Variants in ZFHX3 observed in about 807,000 individuals in gnomAD.
The protein encoded by ZFHX3 is zinc finger homeobox 3.
In ZFHX3, 42 loss-of-function variants were observed where a neutral mutation model predicts 279.1. That is an observed-to-expected ratio of 0.15 (90% CI 0.12 to 0.19). The LOEUF is 0.19. Ranked by LOEUF, ZFHX3 falls within the 10% of genes least tolerant of loss-of-function variation. The pLI, the probability that ZFHX3 is intolerant of heterozygous loss-of-function variation, is 1.00. For synonymous variants in ZFHX3, 2,293 were observed against 1,957.8 expected (o/e 1.17, Z -4.52); for missense variants, 4,981 against 4,754.0 (o/e 1.05, Z -1.40).
At chr16:73,746,911 T>A (rs1187545029) in intron 1 of ZFHX3, among the ~76,000 whole-genome samples, 1 of 152,236 alleles carries the variant, frequency 6.6e-6, no homozygotes, top group Non-Finnish European at 1.5e-5. Flanking sequence ...ATAAGGACTG[T>A]GTTTTAGATT....
At chr16:72,819,842 TCCA>T (rs1478362875) in intron 5 of ZFHX3, among the ~76,000 whole-genome samples, 11 of 152,214 alleles carry the variant, frequency 7.2e-5, no homozygotes, top group African/African-American at 1.7e-4. Context: ...AGGAATAAGC[TCCA>T]TGTGTTCTGT....
At chr16:73,028,307 C>G (rs1009530121) in intron 1 of ZFHX3, among the ~76,000 whole-genome samples, 1 of 152,156 alleles carries the variant, frequency 6.6e-6, no homozygotes, top group Non-Finnish European at 1.5e-5. Context: ...CTCAGTCCAC[C>G]GGGAGGTGGA....
intron 4 of ZFHX3, among the ~76,000 whole-genome samples, chr16:73,306,135 ACTGCGTACCTACTGTTCTC>A (rs2015175001): frequency 6.6e-6 from 1 of 152,176 alleles, no homozygotes; most frequent in South Asian, 2.1e-4. Flanking sequence ...CTACTGTTCT[ACTGCGTACCTACTGTTCTC>A]CTGCCCTAGA....
chr16:72,854,378 A>C (rs2143854621), intron 4 of ZFHX3, among the ~76,000 whole-genome samples: 1 of 152,290 alleles, frequency 6.6e-6, no homozygotes, highest in East Asian at 1.9e-4. Context: ...CCTGCCCTTG[A>C]TCAAGAGCAA....
intron 1 of ZFHX3, among the ~76,000 whole-genome samples, chr16:73,802,505 T>A (rs1369961623): frequency 2.0e-5 from 3 of 152,200 alleles, no homozygotes; most frequent in Non-Finnish European, 2.9e-5. Context: ...CAGACACTGA[T>A]GATAGGACAC....
At chr16:73,516,782 G>GAC (rs2019529438) in intron 2 of ZFHX3, among the ~76,000 whole-genome samples, 1 of 152,230 alleles carries the variant, frequency 6.6e-6, no homozygotes, top group Non-Finnish European at 1.5e-5. Flanking sequence ...AGCAGTGTCT[G>GAC]ACACACAGTA....
rs1438852081 is a variant in ZFHX3, at chr16:72,787,554, G to A, written c.10722C>T (p.His3574=). ...TGCTAGGATCGGGGAAGCAGGCAGA[G>A]TGAGGTAATAAACTAGGGTGCTCTT... ...NAKEHPSLLP[H]SACFPDPSTA... Residue 3574 remains histidine, a synonymous_variant, in exon 10 of 10, where the codon CAC becomes CAT. Coordinates refer to ENST00000268489, the MANE Select transcript of ZFHX3 (RefSeq NM_006885.4). The A allele has an allele frequency of 1.9e-6, 3 of 1,614,072 alleles. No homozygotes were observed. The highest frequency in any genetic ancestry group is 2.2e-5 in the South Asian group (2 of 91,076).
intron 1 of ZFHX3, among the ~76,000 whole-genome samples, chr16:73,741,247 A>G (rs2053655404): frequency 6.6e-6 from 1 of 152,118 alleles, no homozygotes; most frequent in South Asian, 2.1e-4. Context: ...TTATCTAGAA[A>G]GTGACTACAT....
intron 1 of ZFHX3, among the ~76,000 whole-genome samples, chr16:73,843,039 T>C (rs772465281): frequency 9.2e-5 from 14 of 152,270 alleles, no homozygotes; most frequent in Non-Finnish European, 1.5e-4. Flanking sequence ...CTGATTTCTT[T>C]TTTCCTCATT....
At chr16:73,575,456 ATTTTTCAAG>A in intron 2 of ZFHX3, among the ~76,000 whole-genome samples, 1 of 152,152 alleles carries the variant, frequency 6.6e-6, no homozygotes, top group Admixed American at 6.5e-5. Flanking sequence ...AGAACAGGTC[ATTTTTCAAG>A]TTAACAGGTG....
chr16:73,071,509 T>A (rs1466496181), intron 8 of ZFHX3, among the ~76,000 whole-genome samples: 1 of 152,058 alleles, frequency 6.6e-6, no homozygotes, highest in Non-Finnish European at 1.5e-5. Flanking sequence ...ATACTGCTGC[T>A]CATTCTATCA....
chr16:73,058,270 G>A (rs967416495), intron 1 of ZFHX3, among the ~76,000 whole-genome samples: 22 of 141,838 alleles, frequency 1.6e-4, no homozygotes, highest in Non-Finnish European at 1.6e-4. Flanking sequence ...GCGGCGGGAG[G>A]AGGAGGAAGA....
In ZFHX3 at chr16:73,553,790, G is replaced by T. The variant is rs2020236604; in HGVS notation, c.-1546-97532C>A. Among the ~76,000 whole-genome samples, 3 of 151,654 alleles carry T rather than the reference G, an allele frequency of 2.0e-5. No individual in the cohort carries two copies. In the Admixed American group the frequency reaches 2.0e-4, roughly 10 times the overall value. ...TCCAAGTGTAGGGTGGGGAAGAAGGGTCTTTTCCTGCTTCTAGGTGCCAGG... is the reference window on the plus strand; with the variant it reads ...TCCAAGTGTAGGGTGGGGAAGAAGGTTCTTTTCCTGCTTCTAGGTGCCAGG... On this transcript the variant is annotated intron_variant, in intron 2 of 17. Coordinates refer to the ZFHX3 transcript ENST00000641206.
chr16:73,217,852 A>C (rs2144917096), intron 5 of ZFHX3, among the ~76,000 whole-genome samples: 1 of 152,148 alleles, frequency 6.6e-6, no homozygotes, highest in African/African-American at 2.4e-5. Context: ...TTCTCTTTGC[A>C]CACTTCCCCC....
intron 4 of ZFHX3, among the ~76,000 whole-genome samples, chr16:73,302,749 C>T (rs752782543): frequency 2.0e-5 from 3 of 152,164 alleles, no homozygotes; most frequent in African/African-American, 7.2e-5. Context: ...CGGTGGGTGA[C>T]GATGACCATC....
intron 3 of ZFHX3, among the ~76,000 whole-genome samples, chr16:73,319,204 C>T (rs991095270): frequency 6.6e-6 from 1 of 151,988 alleles, no homozygotes; most frequent in Non-Finnish European, 1.5e-5. Context: ...GATGTGAGGG[C>T]TTGGAAGAAT....
At chr16:73,333,100 AT>A (rs1597288366) in intron 3 of ZFHX3, among the ~76,000 whole-genome samples, 1 of 152,232 alleles carries the variant, frequency 6.6e-6, no homozygotes, top group African/African-American at 2.4e-5. Flanking sequence ...ATACATAGAC[AT>A]GTAAATACAT....
At chr16:73,717,235 A>T (rs1259033409) in intron 1 of ZFHX3, among the ~76,000 whole-genome samples, 1 of 152,158 alleles carries the variant, frequency 6.6e-6, no homozygotes, top group Admixed American at 6.5e-5. Context: ...AAGAAACAGG[A>T]CATGCATTTA....
intron 3 of ZFHX3, among the ~76,000 whole-genome samples, chr16:72,904,697 C>G (rs2039126522): frequency 6.6e-6 from 1 of 152,180 alleles, no homozygotes; most frequent in Admixed American, 6.5e-5. Flanking sequence ...CCTCACATCT[C>G]CTACGGCAGG....
Sources: gnomAD v4.1 joint callset for allele counts (sites outside exome capture counted in the v4.1 genomes callset) on GRCh38, gnomAD v4.1.1 for gene constraint, MANE v1.5 for transcripts, NCBI Gene and HGNC (gene_info 2026-07-23, HGNC 2026-07-21) for gene names.